Variants in VWF observed in about 807,000 individuals in gnomAD.
The protein encoded by VWF is Factor VIII related antigen.
Under a neutral mutation model 308.6 loss-of-function variants are expected in VWF, and 176 were observed. That is an observed-to-expected ratio of 0.57 (90% CI 0.50 to 0.65). The LOEUF is 0.65. VWF is among the 30% of genes least tolerant of loss of function. The pLI is 0.00. For synonymous variants in VWF, 1,385 were observed against 1,443.4 expected, an observed-to-expected ratio of 0.96 and a Z score of 0.92; for missense variants, 3,146 against 3,648.2, an observed-to-expected ratio of 0.86 and a Z score of 3.55.
intron 47 of VWF, among the ~76,000 whole-genome samples, chr12:5,958,387 G>A (rs530785395): frequency 5.9e-5 from 9 of 152,248 alleles, no homozygotes; most frequent in African/African-American, 1.9e-4. Context: ...GTTGATATAG[G>A]TGTATTAATA....
Position 5,960,854 on chromosome 12 carries a change from G to A in VWF, c.7887+6632C>T, listed in dbSNP as rs1943305853. ...TCTTCAATATGCTATAGGACAGGGG[G>A]CCCCAGTACCAGTCCGGTCAGTGGC... On this transcript the variant is annotated intron_variant, in intron 47 of 51. Transcript: ENST00000261405. Among the ~76,000 whole-genome samples, 4 of 152,310 alleles carry A rather than the reference G, an allele frequency of 2.6e-5. No individual in the cohort carries two copies. In the South Asian group the frequency reaches 8.3e-4, roughly 32 times the overall value.
At chr12:5,980,649 T>C (rs1943594369) in intron 42 of VWF, among the ~76,000 whole-genome samples, 3 of 152,334 alleles carry the variant, frequency 2.0e-5, no homozygotes, top group Middle Eastern at 3.4e-3. Context: ...GCAGCAACTG[T>C]AGCCTCCTAG....
intron 39 of VWF, 39 bp downstream of exon 39, chr12:5,985,524 G>T (rs777977658): frequency 6.3e-7 from 1 of 1,599,452 alleles, no homozygotes; most frequent in Non-Finnish European, 8.5e-7. Context: ...AGGGGCCCTT[G>T]TTCCTCCATG....
At position 6,068,144 on chromosome 12, in the gene VWF, A is replaced by G. The variant is rs542645239; in HGVS notation, c.1157-2871T>C. On this transcript the variant is annotated intron_variant, in intron 10 of 51. Coordinates refer to ENST00000261405, the MANE Select transcript of VWF (RefSeq NM_000552.5). ...AGTGAAACTCTGTCTCAAAAAAAAA[A>G]AAAAAAAAAAATCCAGAAGTTAAAG... 4.7e-4 allele frequency among the ~76,000 whole-genome samples: 71 copies of G among 152,170 alleles called. 1 individual carries two copies. The South Asian group carries it at 0.011, about 23-fold the overall frequency.
chr12:6,005,289 G>T (rs1943913297), intron 34 of VWF, among the ~76,000 whole-genome samples: 1 of 152,088 alleles, frequency 6.6e-6, no homozygotes, highest in Non-Finnish European at 1.5e-5. Flanking sequence ...CAGAAAAAAA[G>T]TTCAGAAATA....
chr12:6,094,961 C>T (rs886090672), intron 6 of VWF, among the ~76,000 whole-genome samples: 2 of 148,430 alleles, frequency 1.3e-5, no homozygotes, highest in Admixed American at 6.8e-5. Context: ...CCTGGGTTCA[C>T]GTCATTCTCC....
chr12:6,001,957 T>A (rs1463182970), intron 34 of VWF, among the ~76,000 whole-genome samples: 1 of 152,084 alleles, frequency 6.6e-6, no homozygotes, highest in East Asian at 1.9e-4. Context: ...CACTTGGAAA[T>A]TTTTTTAATT....
At chr12:6,016,978 GCAC>G in intron 28 of VWF, 108 bp from the exon 29 acceptor site, 1 of 1,218,186 alleles carries the variant, frequency 8.2e-7, no homozygotes, top group East Asian at 2.3e-5. Context: ...TGACCACGTG[GCAC>G]CACCAAGGGG....
chr12:6,124,496 A>G lies in VWF; in HGVS notation c.-76T>C, dbSNP rs1945466130. The G allele has an allele frequency of 6.6e-6, 1 of 152,504 alleles. No individual in the cohort carries two copies. The highest frequency in any genetic ancestry group is 1.5e-5 in the Non-Finnish European group (1 of 68,346). The allele number at this position is 152,504 out of a possible 1,614,324, so 9.4% of individuals were successfully genotyped here. ...CAGCTGCTGGACAATGGTGCCGCCC[A>G]CCCTAGGCCATGCTCTCAGCTGCTG... is the stretch of plus-strand genomic sequence containing the variant. On this transcript the variant is annotated 5_prime_UTR_variant, in exon 1 of 52. Transcript: ENST00000261405.
At chr12:6,112,978 C>A (rs1945326308) in intron 3 of VWF, among the ~76,000 whole-genome samples, 1 of 152,128 alleles carries the variant, frequency 6.6e-6, no homozygotes, top group Non-Finnish European at 1.5e-5. Flanking sequence ...GGCTCTCCCA[C>A]GTAAATAATA....
chr12:5,953,003 C>T (rs537225207), intron 48 of VWF, among the ~76,000 whole-genome samples: 11 of 152,146 alleles, frequency 7.2e-5, no homozygotes, highest in Non-Finnish European at 1.3e-4. Flanking sequence ...CCGAGGTGGG[C>T]GGATCACGAG....
At chr12:6,091,889 C>A (rs1343632722) in intron 6 of VWF, among the ~76,000 whole-genome samples, 1 of 152,188 alleles carries the variant, frequency 6.6e-6, no homozygotes, top group Non-Finnish European at 1.5e-5. Flanking sequence ...TAGCTGGCGA[C>A]TTGGGGCAGC....
chr12:6,069,201 C>A (rs1944755524), intron 10 of VWF, among the ~76,000 whole-genome samples: 1 of 152,052 alleles, frequency 6.6e-6, no homozygotes, highest in African/African-American at 2.4e-5. Flanking sequence ...TCATTGATTG[C>A]TCCTATGAAG....
intron 6 of VWF, among the ~76,000 whole-genome samples, chr12:6,083,689 C>T (rs140433334): frequency 6.6e-5 from 10 of 152,368 alleles, no homozygotes; most frequent in African/African-American, 2.2e-4. Flanking sequence ...TTCTTAGTCA[C>T]AGAATCCTCA....
At chr12:6,096,601 T>C (rs36007563) in intron 5 of VWF, among the ~76,000 whole-genome samples, 2,735 of 152,322 alleles carry the variant, frequency 0.018, 36 homozygotes, top group Middle Eastern at 0.054. Context: ...TTTTGCAGAA[T>C]GAAGGTAAGA....
intron 42 of VWF, among the ~76,000 whole-genome samples, chr12:5,980,212 TAGGGAGGGAGGGAGGG>T: frequency 2.7e-5 from 1 of 37,634 alleles, no homozygotes; most frequent in South Asian, 2.0e-3. Flanking sequence ...CGTAGGTAGG[TAGGGAGGGAGGGAGGG>T]AGGGAGGGAG....
intron 34 of VWF, among the ~76,000 whole-genome samples, chr12:6,002,167 A>G (rs1943878807): frequency 6.6e-6 from 1 of 152,016 alleles, no homozygotes; most frequent in Non-Finnish European, 1.5e-5. Context: ...TTCCAATTAA[A>G]TAGAAAAGCA....
intron 16 of VWF, among the ~76,000 whole-genome samples, chr12:6,050,826 G>A (rs1565844012): frequency 6.6e-6 from 1 of 152,120 alleles, no homozygotes; most frequent in African/African-American, 2.4e-5. Flanking sequence ...GTGGTGGCAG[G>A]TGCCTGTAAT....
chr12:6,111,598 C>A (rs745982758), intron 3 of VWF, among the ~76,000 whole-genome samples: 31 of 152,236 alleles, frequency 2.0e-4, no homozygotes, highest in Admixed American at 1.2e-3. Flanking sequence ...TGGTCTTGAG[C>A]TCCTTGGTGC....
Sources: allele counts gnomAD v4.1 joint callset (sites outside exome capture counted in the v4.1 genomes callset), GRCh38; gene constraint gnomAD v4.1.1; transcripts MANE v1.5; gene names NCBI Gene and HGNC (gene_info 2026-07-23, HGNC 2026-07-21).